Variants in PDE8B observed in about 807,000 individuals in gnomAD.
PDE8B encodes high affinity cAMP-specific and IBMX-insensitive 3',5'-cyclic phosphodiesterase 8B.
In PDE8B, 26 loss-of-function variants were observed where a neutral mutation model predicts 101.3. The observed-to-expected ratio is 0.26, with a 90% CI of 0.19 to 0.36. PDE8B has a LOEUF of 0.36. Among genes scored for constraint, PDE8B ranks in the 10% least tolerant of loss-of-function variants. The probability of loss-of-function intolerance (pLI) is 1.00; values close to 1 mark genes in which losing one functional copy is unlikely to be tolerated. For synonymous variants in PDE8B, 424 were observed against 429.3 expected (o/e 0.99, Z 0.15); for missense variants, 810 against 1,163.1 (o/e 0.70, Z 4.42).
At chr5:77,345,510 A>G (rs1371482378) in intron 7 of PDE8B, among the ~76,000 whole-genome samples, 10 of 152,214 alleles carry the variant, frequency 6.6e-5, no homozygotes, top group Non-Finnish European at 7.3e-5. Flanking sequence ...ATTGACATAG[A>G]AGTAAGTCAG....
intron 9 of PDE8B, among the ~76,000 whole-genome samples, chr5:77,351,899 GC>G (rs1382638178): frequency 1.3e-5 from 2 of 152,244 alleles, no homozygotes; most frequent in East Asian, 3.9e-4. Flanking sequence ...TGGAACAGGA[GC>G]CCCACCTGTG....
At chr5:77,108,776 T>A in the PDE8B span, among the ~76,000 whole-genome samples, 1 of 152,254 alleles carries the variant, frequency 6.6e-6, no homozygotes, top group Non-Finnish European at 1.5e-5. Flanking sequence ...TTTTACTTTT[T>A]GTAAAGTAAA....
intron 5 of PDE8B, among the ~76,000 whole-genome samples, chr5:77,336,415 C>G (rs1014359494): frequency 2.0e-5 from 3 of 152,196 alleles, no homozygotes; most frequent in African/African-American, 7.2e-5. Flanking sequence ...TGACAACCAC[C>G]AGTCTGCATT....
At chr5:77,194,796 T>C in the PDE8B span, among the ~76,000 whole-genome samples, 1 of 152,262 alleles carries the variant, frequency 6.6e-6, no homozygotes, top group Non-Finnish European at 1.5e-5. Context: ...CTGAATAATA[T>C]TCCATTGTAT....
intron 11 of PDE8B, among the ~76,000 whole-genome samples, chr5:77,400,718 G>A (rs1044083492): frequency 6.6e-6 from 1 of 152,168 alleles, no homozygotes; most frequent in African/African-American, 2.4e-5. Context: ...TGGCCTGGGA[G>A]GCAGAAGCAC....
chr5:77,168,234 A>G, the PDE8B span, among the ~76,000 whole-genome samples: 1 of 152,290 alleles, frequency 6.6e-6, no homozygotes, highest in Admixed American at 6.5e-5. Context: ...GCAAAGGAGT[A>G]ACACTCTGAC....
At chr5:77,207,603 T>C (rs542492195), upstream of PDE8B, among the ~76,000 whole-genome samples, 2 of 152,354 alleles carry the variant, frequency 1.3e-5, no homozygotes, top group East Asian at 3.9e-4. Context: ...CAACAGTGTC[T>C]GAGCTTGTAG....
chr5:77,127,322 C>T, the PDE8B span, among the ~76,000 whole-genome samples: 22 of 152,194 alleles, frequency 1.4e-4, no homozygotes, highest in African/African-American at 2.6e-4. Flanking sequence ...TGGGTTCTCA[C>T]GAGATCTGAT....
chr5:77,122,926 C>T, the PDE8B span, among the ~76,000 whole-genome samples: 1 of 152,160 alleles, frequency 6.6e-6, no homozygotes, highest in Non-Finnish European at 1.5e-5. Flanking sequence ...CTGGTGTAGG[C>T]TTTCTGCCTG....
chr5:77,236,128 G>C (rs553646015), intron 1 of PDE8B, among the ~76,000 whole-genome samples: 8 of 152,320 alleles, frequency 5.3e-5, no homozygotes, highest in African/African-American at 1.9e-4. Context: ...TGAGCCATGT[G>C]GCTATCTGGA....
chr5:77,291,008 C>G, intron 1 of PDE8B: 7 of 1,612,142 alleles, frequency 4.3e-6, no homozygotes, highest in Non-Finnish European at 5.9e-6. Flanking sequence ...TCACCGGGAG[C>G]ACTCAGGTGG....
chr5:77,169,838 G>T, the PDE8B span, among the ~76,000 whole-genome samples: 1 of 152,270 alleles, frequency 6.6e-6, no homozygotes, highest in Non-Finnish European at 1.5e-5. Flanking sequence ...AAACTGTGCC[G>T]ACCCTGTGGA....
At chr5:77,093,726 A>G in the PDE8B span, among the ~76,000 whole-genome samples, 2 of 152,094 alleles carry the variant, frequency 1.3e-5, no homozygotes, top group Non-Finnish European at 2.9e-5. Context: ...CAGATGCATA[A>G]ACTTCATTAT....
At chr5:77,176,831 G>A in the PDE8B span, among the ~76,000 whole-genome samples, 5,518 of 152,278 alleles carry the variant, frequency 0.036, 236 homozygotes, top group African/African-American at 0.096. Context: ...CTTTCGTTGC[G>A]TGATATTGAT....
chr5:77,264,290 G>A (rs1413210878), intron 1 of PDE8B, among the ~76,000 whole-genome samples: 1 of 152,220 alleles, frequency 6.6e-6, no homozygotes, highest in Admixed American at 6.5e-5. Flanking sequence ...ACCTAGGGGT[G>A]AAATTGCTGG....
At chr5:77,102,745 T>A in the PDE8B span, among the ~76,000 whole-genome samples, 1 of 151,544 alleles carries the variant, frequency 6.6e-6, no homozygotes, top group African/African-American at 2.4e-5. Flanking sequence ...GAGTCAGGGG[T>A]TTTTTGGTCA....
At chr5:77,146,163 T>G in the PDE8B span, 3 of 152,242 alleles carry the variant, frequency 2.0e-5, no homozygotes, top group East Asian at 1.9e-4. Flanking sequence ...CATGCATACC[T>G]GGACCTGATT....
intron 1 of PDE8B, among the ~76,000 whole-genome samples, chr5:77,217,482 G>T (rs1348291574): frequency 3.9e-5 from 6 of 152,050 alleles, no homozygotes. Context: ...TTAAAGATAG[G>T]TGTTACCTTT....
intron 7 of PDE8B, among the ~76,000 whole-genome samples, chr5:77,346,890 A>T (rs1780239116): frequency 6.6e-6 from 1 of 152,242 alleles, no homozygotes; most frequent in Admixed American, 6.5e-5. Flanking sequence ...GGATGTCATC[A>T]TTGGATGGGA....
Sources: allele counts gnomAD v4.1 joint callset (sites outside exome capture counted in the v4.1 genomes callset), GRCh38; gene constraint gnomAD v4.1.1; transcripts MANE v1.5; gene names NCBI Gene and HGNC (gene_info 2026-07-23, HGNC 2026-07-21).